TMEM14A: variants seen among roughly 807,000 people sequenced by gnomAD.
TMEM14A encodes transmembrane protein 14A.
In TMEM14A, 8 loss-of-function variants were observed where a neutral mutation model predicts 11.6. The ratio of observed to expected loss-of-function variants is 0.69; its 90% confidence interval spans 0.40 to 1.24. TMEM14A has a LOEUF of 1.24. Among genes scored for constraint, TMEM14A ranks in the 50% most tolerant of loss-of-function variants. The pLI is 0.01. For synonymous variants in TMEM14A, 34 were observed against 45.5 expected (o/e 0.75, Z 1.02); for missense variants, 108 against 121.9 (o/e 0.89, Z 0.54).
At chr6:52,683,578 C>T (rs1181569526) in intron 3 of TMEM14A, among the ~76,000 whole-genome samples, 1 of 151,614 alleles carries the variant, frequency 6.6e-6, no homozygotes, top group South Asian at 2.1e-4. Flanking sequence ...ACCTTTTCGG[C>T]GAGGTAGATG....
chr6:52,681,706 C>A, intron 2 of TMEM14A, 107 bp from the exon 3 acceptor site: 1 of 913,050 alleles, frequency 1.1e-6, no homozygotes, highest in Non-Finnish European at 1.7e-6. Context: ...TTACTGTGCC[C>A]AAGTAGGAAT....
chr6:52,686,034 C>G lies in TMEM14A; in HGVS notation c.285C>G (p.Val95=). The G allele has an allele frequency of 6.2e-7, 1 of 1,611,866 alleles. No individual in the cohort carries two copies. The highest frequency in any genetic ancestry group is 2.2e-5 in the East Asian group (1 of 44,738). The stretch of plus-strand genomic sequence containing the variant: ...GCCTCATGATGATCCTGAGACTTGT[C>G]TTGTTGCTGCTCTGAGCATCTGGAG... ...GLSLMMILRL[V]LLLL is the part of the protein sequence containing the mutation. Residue 95 remains valine, a synonymous_variant, in exon 5 of 5, where the codon GTC becomes GTG. Coordinates refer to ENST00000211314, the MANE Select transcript of TMEM14A (RefSeq NM_014051.4).
At chr6:52,675,022 A>G (rs991757137) in intron 1 of TMEM14A, among the ~76,000 whole-genome samples, 2 of 151,664 alleles carry the variant, frequency 1.3e-5, no homozygotes, top group Admixed American at 1.3e-4. Flanking sequence ...GATTACAGAC[A>G]TGCACCACCA....
At position 52,686,484 on chromosome 6, in the gene TMEM14A, T is replaced by C. The variant is rs1769496328; in HGVS notation, c.*435T>C. On this transcript the variant is annotated 3_prime_UTR_variant, in exon 5 of 5. Transcript: ENST00000211314. Reference sequence around the variant, plus strand: ...TTATGCTTTTTCCATTTTAATTGTATTGCTGCCAGTGCTATTTTTTTCTTT... The same window carrying C: ...TTATGCTTTTTCCATTTTAATTGTACTGCTGCCAGTGCTATTTTTTTCTTT... The C allele has an allele frequency of 2.6e-6, 1 of 384,078 alleles. No individual in the cohort carries two copies. Among genetic ancestry groups the C allele is most frequent in the African/African-American group, 2.1e-5 (1 of 48,340 alleles). The allele number at this position is 384,078 out of a possible 1,614,324, so 23.8% of individuals were successfully genotyped here.
At position 52,681,824 on chromosome 6, in the gene TMEM14A, T is replaced by C; in HGVS notation, c.82T>C (p.Ser28Pro). The change falls in exon 3 of 5, where the codon TCT (serine) becomes CCT (proline). Residue 28 changes from serine (S) to proline (P), a missense_variant. Transcript: ENST00000211314. ...TTTTCCCCTTCCAGGTGGTGTTCCGTCTTTGATTGCTGGTCTTTTTGTTGG... is the reference window on the plus strand; with the variant it reads ...TTTTCCCCTTCCAGGTGGTGTTCCGCCTTTGATTGCTGGTCTTTTTGTTGG... ...FGYKRRGGVP[S>P]LIAGLFVGCL... is the part of the protein sequence containing the mutation. The C allele has an allele frequency of 6.2e-7, 1 of 1,614,076 alleles. No homozygotes were observed. Among genetic ancestry groups the C allele is most frequent in the Non-Finnish European group, 8.5e-7 (1 of 1,179,978 alleles).
chr6:52,680,679 ATATACATATATG>A (rs1247137514), intron 2 of TMEM14A, among the ~76,000 whole-genome samples: 2 of 80,250 alleles, frequency 2.5e-5, no homozygotes, highest in Admixed American at 1.2e-4. Flanking sequence ...GTATATATAT[ATATACATATATG>A]TATATATATA....
chr6:52,678,358 TGTGTGTGTGTGTGG>T lies in TMEM14A; in HGVS notation c.70+1187_70+1200del, dbSNP rs1769303309. ...GTGTGTGTGTGTGTGTGTGTGTGTG[TGTGTGTGTGTGTGG>T]AAGGAATCATTTTATTCTAACTCAC... On this transcript the variant is annotated intron_variant, in intron 2 of 4. Coordinates refer to ENST00000211314, the MANE Select transcript of TMEM14A (RefSeq NM_014051.4). Among the ~76,000 whole-genome samples, 9 of 101,118 alleles carry T rather than the reference TGTGTGTGTGTGTGG, an allele frequency of 8.9e-5. No individual in the cohort carries two copies. In the East Asian group the frequency reaches 1.1e-3, roughly 12 times the overall value. 66.3% of individuals were successfully genotyped at this position (101,118 alleles called of 152,430 possible).
At chr6:52,680,593 T>TTATATATATATATATATATATATATATA (rs70977373) in intron 2 of TMEM14A, among the ~76,000 whole-genome samples, 1 of 96,516 alleles carries the variant, frequency 1.0e-5, no homozygotes, top group Non-Finnish European at 2.1e-5. Context: ...ATTTATATAT[T>TTATATATATATATATATATATATATATA]TATATATATA....
intron 1 of TMEM14A, among the ~76,000 whole-genome samples, chr6:52,675,278 A>G (rs1363159087): frequency 6.6e-6 from 1 of 152,234 alleles, no homozygotes; most frequent in Non-Finnish European, 1.5e-5. Flanking sequence ...TTGTAAAAAT[A>G]TGCAAGGAAT....
intron 2 of TMEM14A, among the ~76,000 whole-genome samples, chr6:52,680,670 T>TAC: frequency 3.5e-5 from 1 of 28,766 alleles, no homozygotes; most frequent in Non-Finnish European, 7.7e-5. Flanking sequence ...TATATATGTG[T>TAC]ATATATATAT....
rs781231976 is a variant in TMEM14A, at chr6:52,681,787, G to A, written c.71-26G>A. ...CCTTTCCTTTTGGGATTCTCTTTGTGATCTCATATTTTTTTCCCCTTCCAG... is the reference window on the plus strand; with the variant it reads ...CCTTTCCTTTTGGGATTCTCTTTGTAATCTCATATTTTTTTCCCCTTCCAG... On this transcript the variant is annotated intron_variant, in intron 2 of 4. Coordinates refer to ENST00000211314, the MANE Select transcript of TMEM14A (RefSeq NM_014051.4). The A allele has an allele frequency of 2.5e-6, 4 of 1,586,702 alleles. No homozygotes were observed. The East Asian group carries it at 8.9e-5, about 35-fold the overall frequency.
At chr6:52,680,623 GTGTA>G (rs1275642000) in intron 2 of TMEM14A, among the ~76,000 whole-genome samples, 2 of 61,542 alleles carry the variant, frequency 3.2e-5, no homozygotes, top group Non-Finnish European at 4.2e-5. Context: ...GTATATATAT[GTGTA>G]TATATATATG....
At chr6:52,684,337 C>T (rs927193810) in intron 4 of TMEM14A, among the ~76,000 whole-genome samples, 172 bp downstream of exon 4, 1 of 152,152 alleles carries the variant, frequency 6.6e-6, no homozygotes, top group Admixed American at 6.5e-5. Flanking sequence ...ATTGATGTAC[C>T]CATGAACATT....
At chr6:52,684,781 C>T (rs1769462756) in intron 4 of TMEM14A, among the ~76,000 whole-genome samples, 1 of 152,160 alleles carries the variant, frequency 6.6e-6, no homozygotes, top group South Asian at 2.1e-4. Flanking sequence ...CTTTGATAGA[C>T]ATTTTCACTT....
intron 3 of TMEM14A, 56 bp downstream of exon 3, chr6:52,681,970 T>C (rs1769399750): frequency 7.0e-7 from 1 of 1,424,762 alleles, no homozygotes; most frequent in East Asian, 2.3e-5. Flanking sequence ...GTGATCTTTT[T>C]GATACCCTAT....
intron 1 of TMEM14A, among the ~76,000 whole-genome samples, chr6:52,674,340 G>A (rs903533912): frequency 5.3e-5 from 8 of 152,208 alleles, no homozygotes; most frequent in Non-Finnish European, 8.8e-5. Flanking sequence ...TGGTTTACAT[G>A]TTCGCTTTTT....
chr6:52,676,952 C>A, intron 1 of TMEM14A, 135 bp from the exon 2 acceptor site: 1 of 782,830 alleles, frequency 1.3e-6, no homozygotes, highest in Non-Finnish European at 2.1e-6. Flanking sequence ...CCACCTCCAA[C>A]ACTCAGGATC....
At chr6:52,684,916 T>A (rs1383215656) in intron 4 of TMEM14A, among the ~76,000 whole-genome samples, 1 of 152,212 alleles carries the variant, frequency 6.6e-6, no homozygotes, top group Non-Finnish European at 1.5e-5. Context: ...AGTAAGGAGA[T>A]GTTTGAAAAA....
At position 52,674,098 on chromosome 6, in the gene TMEM14A, TGA is replaced by T. The variant is rs1409329236; in HGVS notation, c.-17+2855_-17+2856del. 5.9e-5 allele frequency among the ~76,000 whole-genome samples: 9 copies of T among 152,240 alleles called. 1 individual carries two copies. On this transcript the variant is annotated intron_variant, in intron 1 of 4. Coordinates refer to ENST00000211314, the MANE Select transcript of TMEM14A (RefSeq NM_014051.4). ...ATCCCTATTTTAAAGATGGAGAAACTGAGTTATTGAGGTTCCACAGCTAGTAA... is the reference window on the plus strand; with the variant it reads ...ATCCCTATTTTAAAGATGGAGAAACTGTTATTGAGGTTCCACAGCTAGTAA...
Sources: gnomAD v4.1 joint callset for allele counts (sites outside exome capture counted in the v4.1 genomes callset) on GRCh38, gnomAD v4.1.1 for gene constraint, MANE v1.5 for transcripts, NCBI Gene and HGNC (gene_info 2026-07-23, HGNC 2026-07-21) for gene names.